The following CACNA1S variants were observed in gnomAD, a reference collection of about 807,000 sequenced individuals.
CACNA1S encodes the protein voltage-dependent L-type calcium channel subunit alpha-1S.
A neutral mutation model predicts 207.4 loss-of-function variants in CACNA1S; 126 were observed. The ratio of observed to expected loss-of-function variants is 0.61; its 90% CI spans 0.53 to 0.70. The LOEUF (loss-of-function observed/expected upper bound fraction) is 0.70. Among genes scored for constraint, CACNA1S ranks in the 30% least tolerant of loss-of-function variants. The probability of loss-of-function intolerance (pLI) is 0.00; values close to 1 mark genes in which losing one functional copy is unlikely to be tolerated. For synonymous variants in CACNA1S, 960 were observed against 932.7 expected (o/e 1.03, Z -0.53); for missense variants, 2,349 against 2,422.8 (o/e 0.97, Z 0.64).
intron 9 of CACNA1S, among the ~76,000 whole-genome samples, 165 bp downstream of exon 9, chr1:201,084,785 G>A (rs1272854665): frequency 3.3e-5 from 5 of 152,252 alleles, no homozygotes; most frequent in Admixed American, 1.3e-4. Flanking sequence ...TGGTCCCTGC[G>A]GAGTCCCTCA....
chr1:201,085,568 C>T lies in CACNA1S; in HGVS notation c.1018G>A (p.Glu340Lys), dbSNP rs780931231. 1 of 1,613,650 alleles carries T rather than the reference C, an allele frequency of 6.2e-7. No homozygotes were observed. The highest frequency in any genetic ancestry group is 8.5e-7 in the Non-Finnish European group (1 of 1,179,942). ...CCCCTGGACTTGGCCTTCTCCCGCT[C>T]CTTGGTGAATTCCCTGAAATGAGAT... ...LGVLSGEFTK[E>K]REKAKSRGTF... Residue 340 changes from glutamate (E) to lysine (K), a missense_variant, in exon 8 of 44, where the codon GAG becomes AAG. Physicochemically the swap from Glu to Lys is moderately conservative, Grantham distance 56 (BLOSUM62 1). Coordinates refer to ENST00000362061, the MANE Select transcript of CACNA1S (RefSeq NM_000069.3).
chr1:201,073,516 A>G (rs749911942), intron 15 of CACNA1S, 33 bp downstream of exon 15: 1 of 1,527,260 alleles, frequency 6.5e-7, no homozygotes, highest in Admixed American at 1.7e-5. Context: ...GAGCCCCTAG[A>G]CTGCCTCTAA....
chr1:201,040,357 G>A lies in CACNA1S; in HGVS notation c.5244C>T (p.Ser1748=), dbSNP rs1207161197. 1 of 1,613,544 alleles carries A rather than the reference G, an allele frequency of 6.2e-7. No individual in the cohort carries two copies. Among genetic ancestry groups the A allele is most frequent in the South Asian group, 1.1e-5 (1 of 91,032 alleles). The change falls in exon 43 of 44, where the codon TCC becomes TCT. Residue 1748 remains serine, a synonymous_variant. Transcript: ENST00000362061. ...PAPCQCPRVE[S]SMPEDRKSST... Reference sequence around the variant, plus strand: ...AGCTCTTTCTGTCCTCAGGCATGGAGGACTCCACCCTGGGGCACTGTTCCA... The same window carrying A: ...AGCTCTTTCTGTCCTCAGGCATGGAAGACTCCACCCTGGGGCACTGTTCCA...
chr1:201,040,604 G>A lies in CACNA1S; in HGVS notation c.5226+18C>T. The A allele has an allele frequency of 1.2e-6, 2 of 1,609,362 alleles. No homozygotes were observed. The highest frequency in any genetic ancestry group is 1.7e-6 in the Non-Finnish European group (2 of 1,175,906). On this transcript the variant is annotated intron_variant, in intron 42 of 43. Coordinates refer to ENST00000362061, the MANE Select transcript of CACNA1S (RefSeq NM_000069.3). ...GGTCTCTGTATGGAGTTTGCTCCCA[G>A]GCCTCTGCCACTGTTACCTGGCAGG...
intron 1 of CACNA1S, among the ~76,000 whole-genome samples, chr1:201,111,348 C>T (rs1357895919): frequency 6.6e-6 from 1 of 152,160 alleles, no homozygotes; most frequent in Non-Finnish European, 1.5e-5. Context: ...TATGCCCCAC[C>T]CTCGCTCTCA....
Position 201,044,414 on chromosome 1 carries a change from A to C in CACNA1S, c.4711T>G (p.Cys1571Gly). The change falls in exon 39 of 44, where the codon TGT (cysteine) becomes GGT (glycine). Residue 1571 changes from cysteine (C) to glycine (G), a missense_variant. Transcript: ENST00000362061. The part of the protein sequence containing the change: ...TIEEEAAPEI[C>G]RTVSGDLAAE... ...GCCAGGTCTCCTGAGACCGTGCGAC[A>C]GATCTCGGGGGCTGCCTCTTCCTCA... The C allele has an allele frequency of 6.2e-7, 1 of 1,613,178 alleles. No individual in the cohort carries two copies. Among genetic ancestry groups the C allele is most frequent in the Non-Finnish European group, 8.5e-7 (1 of 1,179,840 alleles).
rs60151209 is a variant in CACNA1S, at chr1:201,068,231, C to CTTT, written c.2550+903_2550+905dup. The stretch of plus-strand genomic sequence containing the variant: ...AATCACACAGCTCCCCGGCTCTGCT[C>CTTT]TTTTTTTTTTTTTTTTTTTTTTTTT... On this transcript the variant is annotated intron_variant, in intron 19 of 43. Coordinates refer to ENST00000362061, the MANE Select transcript of CACNA1S (RefSeq NM_000069.3). 3.2e-3 allele frequency among the ~76,000 whole-genome samples: 151 copies of CTTT among 47,014 alleles called. 16 individuals carry two copies. The highest frequency in any genetic ancestry group is 4.5e-3 in the Non-Finnish European group (125 of 27,614). The allele number at this position is 47,014 out of a possible 152,430, so 30.8% of individuals were successfully genotyped here.
intron 2 of CACNA1S, among the ~76,000 whole-genome samples, chr1:201,098,280 C>A (rs987395007): frequency 6.6e-6 from 1 of 152,098 alleles, no homozygotes. Context: ...GGCTGCACAC[C>A]GTCGATATCA....
At chr1:201,046,150 A>T (rs1660461087) in intron 38 of CACNA1S, among the ~76,000 whole-genome samples, 1 of 129,360 alleles carries the variant, frequency 7.7e-6, no homozygotes, top group African/African-American at 4.1e-5. Flanking sequence ...ACCCAATGGG[A>T]CATATTTATT....
intron 22 of CACNA1S, among the ~76,000 whole-genome samples, chr1:201,064,865 C>T (rs1473571036): frequency 6.6e-6 from 1 of 152,220 alleles, no homozygotes; most frequent in Admixed American, 6.5e-5. Flanking sequence ...GAACTCCCAG[C>T]CTTAGAGGCT....
chr1:201,088,013 C>T, intron 6 of CACNA1S, 84 bp from the exon 7 acceptor site: 1 of 891,768 alleles, frequency 1.1e-6, no homozygotes, highest in Non-Finnish European at 1.8e-6. Context: ...CCACCCAACC[C>T]TGGGGGACAA....
Position 201,066,061 on chromosome 1 carries a change from GA to G in CACNA1S, c.2746-117del. ...TGCCTCCTGATGAGTTGGAGGTGGG[GA>G]AAGGCTGGTGGGGAAGCATAGCTAC... On this transcript the variant is annotated intron_variant, in intron 21 of 43. Coordinates refer to ENST00000362061, the MANE Select transcript of CACNA1S (RefSeq NM_000069.3). This position sits in a 1 kb window ranked among gnomAD's most constrained non-coding sequence, Gnocchi z 4.3. 2.1e-6 allele frequency: 2 copies of G among 942,038 alleles called. No homozygotes were observed. Among genetic ancestry groups the G allele is most frequent in the African/African-American group, 1.6e-5 (1 of 61,438 alleles). 58.4% of individuals were successfully genotyped at this position (942,038 alleles called of 1,614,324 possible).
At chr1:201,081,563 G>C (rs1010515210) in intron 10 of CACNA1S, among the ~76,000 whole-genome samples, 3 of 152,156 alleles carry the variant, frequency 2.0e-5, no homozygotes, top group Non-Finnish European at 4.4e-5. Flanking sequence ...TTATATTCTT[G>C]CTTTTAACTT....
intron 32 of CACNA1S, among the ~76,000 whole-genome samples, chr1:201,052,048 T>C (rs1033646587): frequency 2.0e-5 from 3 of 152,114 alleles, no homozygotes; most frequent in African/African-American, 7.2e-5. Context: ...GAAGCTCACC[T>C]CTCCCACCTG....
Position 201,051,108 on chromosome 1 carries a change from AG to A in CACNA1S, c.3988del (p.Leu1330TrpfsTer94), listed in dbSNP as rs757045433. The part of the protein sequence containing the change: ...ATGEAWQEIL[L>X]ACSYGKLCDP... ...ACACAGCTTCCCATAGCTGCAGGCC[AG>A]TAGGATCTCCTGCCAGGCCTCACCT... On this transcript the variant is annotated frameshift_variant, in exon 33 of 44. Transcript: ENST00000362061. LOFTEE classifies it high-confidence loss of function. 3 of 1,614,226 alleles carry A rather than the reference AG, an allele frequency of 1.9e-6. No homozygotes were observed. In the Admixed American group the frequency reaches 5.0e-5, roughly 27 times the overall value.
At chr1:201,072,968 C>T in intron 15 of CACNA1S, 144 bp from the exon 16 acceptor site, 1 of 775,618 alleles carries the variant, frequency 1.3e-6, no homozygotes, top group Non-Finnish European at 2.3e-6. Flanking sequence ...TGATCATCCC[C>T]ATTTTACAAA....
chr1:201,082,986 C>T (rs973277864), intron 10 of CACNA1S, among the ~76,000 whole-genome samples, 176 bp downstream of exon 10: 6 of 152,186 alleles, frequency 3.9e-5, no homozygotes, highest in African/African-American at 9.7e-5. Flanking sequence ...GTTTTACCCC[C>T]GTGAAAGGAG....
rs140268231 is a variant in CACNA1S at position 201,043,325 on chromosome 1, G to A, written c.5004C>T (p.Val1668=). 1.4e-5 allele frequency: 22 copies of A among 1,614,060 alleles called. No homozygotes were observed. The highest frequency in any genetic ancestry group is 4.5e-5 in the East Asian group (2 of 44,890). ...TGCTATGGTTGCTGTTGCCATAGGC[G>A]ACATTGGCGTTGGCATTGTTGGTAT... is the stretch of plus-strand genomic sequence containing the variant. The part of the protein sequence containing the change: ...RANTNNANAN[V]AYGNSNHSNS... The change falls in exon 40 of 44, where the codon GTC becomes GTT. Residue 1668 remains valine, a synonymous_variant. Transcript: ENST00000362061.
chr1:201,105,868 C>T (rs1558088546), intron 2 of CACNA1S, among the ~76,000 whole-genome samples: 2 of 152,206 alleles, frequency 1.3e-5, no homozygotes, highest in African/African-American at 4.8e-5. Context: ...CACCCCCGGC[C>T]CTGCTCGCAC....
Sources: allele counts gnomAD v4.1 joint callset (sites outside exome capture counted in the v4.1 genomes callset), GRCh38; gene constraint gnomAD v4.1.1; non-coding constraint Gnocchi (gnomAD v3.1); transcripts MANE v1.5; gene names NCBI Gene and HGNC (gene_info 2026-07-23, HGNC 2026-07-21).